Variants in HADHB observed in about 807,000 individuals in gnomAD.
HADHB encodes hydroxyacyl-CoA dehydrogenase trifunctional multienzyme complex subunit beta, also known as trifunctional enzyme subunit beta, mitochondrial.
In HADHB, 50 loss-of-function variants were observed where a neutral mutation model predicts 61.9. The observed-to-expected ratio is 0.81, with a 90% CI of 0.64 to 1.02. The LOEUF (loss-of-function observed/expected upper bound fraction) is 1.02, where lower values mean the gene tolerates loss of function less well. HADHB is among the 50% of genes least tolerant of loss of function. HADHB has a pLI of 0.00. For missense variants in HADHB, 504 were observed against 586.5 expected (o/e 0.86, Z 1.45); for synonymous variants, 191 against 201.6 (o/e 0.95, Z 0.45).
rs1672982352 is a variant in HADHB, at chr2:26,285,390, G to A, written c.1225-17G>A. ...TAAGTAAACTTATCTTTACATTTGT[G>A]TCTTTGGGGGAGCCAGGTTGGATTG... On this transcript the variant is annotated splice_polypyrimidine_tract_variant and intron_variant, in intron 14 of 15. Coordinates refer to ENST00000317799, the MANE Select transcript of HADHB (RefSeq NM_000183.3). 6.2e-7 allele frequency: 1 copy of A among 1,610,314 alleles called. No homozygotes were observed. The highest frequency in any genetic ancestry group is 1.1e-5 in the South Asian group (1 of 90,920).
chr2:26,246,953 CGTGT>C (rs890340801), intron 1 of HADHB, among the ~76,000 whole-genome samples: 2 of 151,960 alleles, frequency 1.3e-5, no homozygotes, highest in Non-Finnish European at 2.9e-5. Context: ...GGTGTGCGTG[CGTGT>C]GTGTGTGTGC....
chr2:26,280,029 C>G lies in HADHB; in HGVS notation c.847C>G (p.Pro283Ala). 2 of 1,609,792 alleles carry G rather than the reference C, an allele frequency of 1.2e-6. No homozygotes were observed. Among genetic ancestry groups the G allele is most frequent in the Non-Finnish European group, 1.7e-6 (2 of 1,177,166 alleles). ...DTVTKDNGIR[P>A]SSLEQMAKLK... ...AGTTACCAAAGATAATGGCATCCGT[C>G]CTTCCTCACTGGAGCAGATGGCCAA... Residue 283 changes from proline (P) to alanine (A), a missense_variant, in exon 10 of 16, where the codon CCT becomes GCT. Physicochemically the swap from Pro to Ala is conservative, Grantham distance 27. Transcript: ENST00000317799.
chr2:26,285,430 G>T lies in HADHB; in HGVS notation c.1248G>T (p.Lys416Asn). Residue 416 changes from lysine (K) to asparagine (N), a missense_variant, in exon 15 of 16, where the codon AAG (lysine) becomes AAT (asparagine). By Grantham distance (94) the Lys-to-Asn change is moderately conservative (BLOSUM62 0). Coordinates refer to ENST00000317799, the MANE Select transcript of HADHB (RefSeq NM_000183.3). ...KTKVGLPPLEKFNNWGGSLSL... is the reference protein window; with the variant it reads ...KTKVGLPPLENFNNWGGSLSL... ...AGGTTGGATTGCCTCCTTTGGAGAA[G>T]TTTAATAACTGGGGTGGATCTCTGT... is the stretch of plus-strand genomic sequence containing the variant. 6.2e-7 allele frequency: 1 copy of T among 1,613,862 alleles called. No individual in the cohort carries two copies. Among genetic ancestry groups the T allele is most frequent in the Non-Finnish European group, 8.5e-7 (1 of 1,179,800 alleles).
At chr2:26,265,672 A>G (rs1672047177) in intron 4 of HADHB, among the ~76,000 whole-genome samples, 1 of 152,224 alleles carries the variant, frequency 6.6e-6, no homozygotes, top group South Asian at 2.1e-4. Flanking sequence ...TAAACATTTG[A>G]TGATTAGTAT....
Position 26,273,692 on chromosome 2 carries a change from A to G in HADHB, c.296A>G (p.Asp99Gly). The G allele has an allele frequency of 6.2e-7, 1 of 1,610,326 alleles. No homozygotes were observed. Among genetic ancestry groups the G allele is most frequent in the Non-Finnish European group, 8.5e-7 (1 of 1,176,638 alleles). The part of the protein sequence containing the change: ...HRTSVPKEVV[D>G]YIIFGTVIQE... ...ACCAGTGTCCCTAAGGAAGTAGTTG[A>G]TTATATCATCTTTGGTACAGTTATT... Residue 99 changes from aspartate (D) to glycine (G), a missense_variant, in exon 6 of 16, where the codon GAT (aspartate) becomes GGT (glycine). Transcript: ENST00000317799.
At chr2:26,251,125 C>T (rs1029424290) in intron 1 of HADHB, among the ~76,000 whole-genome samples, 1 of 141,698 alleles carries the variant, frequency 7.1e-6, no homozygotes, top group Non-Finnish European at 1.6e-5. Flanking sequence ...TTTTGTTGAT[C>T]AGTGTCGTTT....
chr2:26,275,443 A>G (rs994854245), intron 6 of HADHB, among the ~76,000 whole-genome samples: 43 of 152,296 alleles, frequency 2.8e-4, no homozygotes, highest in East Asian at 3.9e-4. Context: ...TCAAATTTCA[A>G]TAGAAGTGTG....
intron 3 of HADHB, chr2:26,261,358 C>A (rs1574648851): frequency 1.2e-5 from 3 of 260,862 alleles, no homozygotes; most frequent in African/African-American, 2.2e-5. Context: ...TTCTAAGCTT[C>A]AATATTTCAT....
intron 12 of HADHB, among the ~76,000 whole-genome samples, chr2:26,283,401 G>T (rs1225401439): frequency 6.6e-6 from 1 of 152,108 alleles, no homozygotes; most frequent in Admixed American, 6.5e-5. Context: ...GCGGGCGCCT[G>T]TAGTCCCAGC....
chr2:26,265,161 A>T (rs755269490), intron 4 of HADHB, among the ~76,000 whole-genome samples: 14 of 152,240 alleles, frequency 9.2e-5, no homozygotes, highest in Non-Finnish European at 1.8e-4. Flanking sequence ...AGCAGGAAGA[A>T]GATGATGTCC....
At chr2:26,282,161 G>T (rs1672817054) in intron 10 of HADHB, among the ~76,000 whole-genome samples, 1 of 151,408 alleles carries the variant, frequency 6.6e-6, no homozygotes, top group South Asian at 2.1e-4. Context: ...AAATAAATAA[G>T]AGATATGTTT....
chr2:26,265,763 A>C (rs745823696), intron 4 of HADHB, among the ~76,000 whole-genome samples: 3 of 152,234 alleles, frequency 2.0e-5, no homozygotes, highest in Admixed American at 1.3e-4. Context: ...GTTTTAGTTT[A>C]ATTCAGGATT....
At position 26,273,647 on chromosome 2, in the gene HADHB, C is replaced by T; in HGVS notation, c.255-4C>T. 6.5e-7 allele frequency: 1 copy of T among 1,528,382 alleles called. No individual in the cohort carries two copies. The highest frequency in any genetic ancestry group is 9.1e-7 in the Non-Finnish European group (1 of 1,102,036). The allele number at this position is 1,528,382 out of a possible 1,614,324, so 94.7% of individuals were successfully genotyped here. A position where few individuals can be genotyped will look rare whatever the true frequency, so the allele number is the denominator to read the frequency against. On this transcript the variant is annotated splice_polypyrimidine_tract_variant and splice_region_variant and intron_variant, in intron 5 of 15. Transcript: ENST00000317799. ...GTTTCTTTGCTTTGGATTTCTACTTCCAGGGGTTTGTTGCATCGGACCAGT... is the reference window on the plus strand; with the variant it reads ...GTTTCTTTGCTTTGGATTTCTACTTTCAGGGGTTTGTTGCATCGGACCAGT...
chr2:26,289,950 A>G lies in HADHB; in HGVS notation c.1422A>G (p.Lys474=). The G allele has an allele frequency of 6.2e-7, 1 of 1,606,202 alleles. No individual in the cohort carries two copies. The highest frequency in any genetic ancestry group is 1.1e-5 in the South Asian group (1 of 90,892). The change falls in exon 16 of 16, where the codon AAA becomes AAG. Residue 474 remains lysine (K), a synonymous_variant. Coordinates refer to ENST00000317799, the MANE Select transcript of HADHB (RefSeq NM_000183.3). ...GHAMIVEAYP[K] ...CTATGATAGTGGAAGCTTATCCAAA[A>G]TAATAGATCCAGAAGAAGTGACCTG...
chr2:26,277,555 A>C (rs1350181951), intron 7 of HADHB, among the ~76,000 whole-genome samples: 1 of 152,188 alleles, frequency 6.6e-6, no homozygotes, highest in African/African-American at 2.4e-5. Context: ...TCTTAACAGA[A>C]GTAAAAGATT....
chr2:26,283,223 A>T (rs1049057949), intron 12 of HADHB, among the ~76,000 whole-genome samples, 172 bp downstream of exon 12: 6 of 151,994 alleles, frequency 3.9e-5, no homozygotes, highest in East Asian at 1.9e-4. Flanking sequence ...TGGTTTTTTT[A>T]AAAAAAATAA....
intron 15 of HADHB, among the ~76,000 whole-genome samples, chr2:26,286,370 C>T (rs1223932862): frequency 6.6e-6 from 1 of 152,172 alleles, no homozygotes; most frequent in African/African-American, 2.4e-5. Context: ...TAACTTACTG[C>T]TGTTCAGCTG....
rs180798095 is a variant in HADHB, at chr2:26,253,650, G to A, written c.-8-597G>A. On this transcript the variant is annotated intron_variant, in intron 1 of 15. Coordinates refer to ENST00000317799, the MANE Select transcript of HADHB (RefSeq NM_000183.3). ...ATGGATCACCTGAGGTCAGGAGTTC[G>A]ACACCAGCCTGGCCAACATGGCAAA... is the stretch of plus-strand genomic sequence containing the variant. 4.5e-3 allele frequency among the ~76,000 whole-genome samples: 683 copies of A among 151,926 alleles called. 3 individuals carry two copies. The highest frequency in any genetic ancestry group is 0.016 in the African/African-American group (664 of 41,422).
chr2:26,260,902 T>C, intron 3 of HADHB: 1 of 693,984 alleles, frequency 1.4e-6, no homozygotes, highest in East Asian at 2.7e-5. Flanking sequence ...TGACATCAGT[T>C]TACCATCAAC....
Sources: allele counts gnomAD v4.1 joint callset (sites outside exome capture counted in the v4.1 genomes callset), GRCh38; gene constraint gnomAD v4.1.1; transcripts MANE v1.5; gene names NCBI Gene and HGNC (gene_info 2026-07-23, HGNC 2026-07-21).